Variants in FASTKD3 observed in about 807,000 individuals in gnomAD.
The protein encoded by FASTKD3 is FAST kinase domains 3.
Under a neutral mutation model 49.7 loss-of-function variants are expected in FASTKD3, and 47 were observed. The ratio of observed to expected loss-of-function variants is 0.95; its 90% CI spans 0.75 to 1.21. The LOEUF is 1.21. FASTKD3 is among the 50% of genes most tolerant of loss of function. The pLI is 0.00. For synonymous variants in FASTKD3, 284 were observed against 288.6 expected, an observed-to-expected ratio of 0.98 and a Z score of 0.16; for missense variants, 748 against 765.7, an observed-to-expected ratio of 0.98 and a Z score of 0.27.
intron 3 of FASTKD3, among the ~76,000 whole-genome samples, chr5:7,864,979 A>C (rs1746834914): frequency 6.6e-6 from 1 of 152,224 alleles, no homozygotes; most frequent in African/African-American, 2.4e-5. Context: ...CTCCAAGTGC[A>C]TCAATAGTAG....
Position 7,867,637 on chromosome 5 carries a change from C to T in FASTKD3, c.447G>A (p.Leu149=), listed in dbSNP as rs1747093209. The T allele has an allele frequency of 2.5e-6, 4 of 1,614,250 alleles. No homozygotes were observed. The highest frequency in any genetic ancestry group is 3.4e-6 in the Non-Finnish European group (4 of 1,180,044). Reference sequence around the variant, plus strand: ...TGCTATTCTCCAGTATTTCTTTTGGCAGCCCTTGATCACCATCCTTTTTTT... The same window carrying T: ...TGCTATTCTCCAGTATTTCTTTTGGTAGCCCTTGATCACCATCCTTTTTTT... ...EVEKKDGDQG[L]PKEILENSIF... Residue 149 remains leucine, a synonymous_variant, in exon 2 of 7, where the codon CTG becomes CTA. Transcript: ENST00000264669.
In FASTKD3 at chr5:7,868,013, G is replaced by T; in HGVS notation, c.71C>A (p.Ala24Asp). ...SDFQMHRALAALKNKPLNHVH... is the reference protein window; with the variant it reads ...SDFQMHRALADLKNKPLNHVH... ...ATGATTTAGAGGTTTATTTTTTAAA[G>T]CAGCCAGAGCTCTATGCATCTGAAA... The change falls in exon 2 of 7, where the codon GCT becomes GAT. Residue 24 changes from alanine (A) to aspartate (D), a missense_variant. This residue lies in a region of FASTKD3 where 564 missense variants were observed against 562.8 expected (regional missense o/e 1.00). Transcript: ENST00000264669. The T allele has an allele frequency of 6.2e-7, 1 of 1,613,982 alleles. No homozygotes were observed. The highest frequency in any genetic ancestry group is 1.1e-5 in the South Asian group (1 of 91,072).
Position 7,867,681 on chromosome 5 carries a change from G to T in FASTKD3, c.403C>A (p.Gln135Lys), listed in dbSNP as rs747401284. Reference sequence around the variant, plus strand: ...TTTTTTTCCACTTCACAAATTCGTTGTAAAGCTCCTGCTGCCATAGTGTCA... The same window carrying T: ...TTTTTTTCCACTTCACAAATTCGTTTTAAAGCTCCTGCTGCCATAGTGTCA... ...LPDTMAAGAL[Q>K]RICEVEKKDG... Residue 135 changes from glutamine (Q) to lysine (K), a missense_variant, in exon 2 of 7, where the codon CAA (glutamine) becomes AAA (lysine). Physicochemically the swap from Gln to Lys is moderately conservative, Grantham distance 53 (BLOSUM62 1). This residue lies in a region of FASTKD3 where 564 missense variants were observed against 562.8 expected (regional missense o/e 1.00). Transcript: ENST00000264669. 1 of 1,614,154 alleles carries T rather than the reference G, an allele frequency of 6.2e-7. No individual in the cohort carries two copies. Among genetic ancestry groups the T allele is most frequent in the Non-Finnish European group, 8.5e-7 (1 of 1,180,040 alleles).
At chr5:7,863,155 T>C in intron 3 of FASTKD3, 158 bp from the exon 4 acceptor site, 2 of 659,688 alleles carry the variant, frequency 3.0e-6, no homozygotes, top group Non-Finnish European at 5.2e-6. Context: ...AAAATGATAA[T>C]GCAAACTTCT....
Position 7,863,009 on chromosome 5 carries a change from T to G in FASTKD3, c.1525-12A>C. ...AGGAGTTTTGGACCCTAAAAAATCA[T>G]AAGTGCAAATGTGAGAAAGAAAAAT... On this transcript the variant is annotated splice_polypyrimidine_tract_variant and intron_variant, in intron 3 of 6. Coordinates refer to ENST00000264669, the MANE Select transcript of FASTKD3 (RefSeq NM_024091.4). 6.2e-7 allele frequency: 1 copy of G among 1,607,392 alleles called. No individual in the cohort carries two copies. The highest frequency in any genetic ancestry group is 1.1e-5 in the South Asian group (1 of 90,218).
In FASTKD3 at chr5:7,867,744, C is replaced by G; in HGVS notation, c.340G>C (p.Glu114Gln). Residue 114 changes from glutamate to glutamine, a missense_variant, in exon 2 of 7, where the codon GAA (glutamate) becomes CAA (glutamine). Glu to Gln is a conservative substitution (Grantham distance 29). Around this residue, in one of 3 missense-constraint regions of FASTKD3, gnomAD observed 564 missense variants for 562.8 expected, o/e 1.00. Coordinates refer to ENST00000264669, the MANE Select transcript of FASTKD3 (RefSeq NM_024091.4). ...ATCGTGCTTATAAAACTTAGCACTT[C>G]TTCTGATGAAGTCAAGTTGCTCAGT... ...RRLSNLTSSE[E>Q]VLSFISTMET... 1 of 1,614,176 alleles carries G rather than the reference C, an allele frequency of 6.2e-7. No individual in the cohort carries two copies. Among genetic ancestry groups the G allele is most frequent in the South Asian group, 1.1e-5 (1 of 91,082 alleles).
intron 2 of FASTKD3, 35 bp downstream of exon 2, chr5:7,866,610 CT>C (rs1746968929): frequency 1.3e-6 from 2 of 1,494,166 alleles, no homozygotes; most frequent in Non-Finnish European, 1.8e-6. Context: ...TCAAAGGTTA[CT>C]TTTTTCCAAC....
chr5:7,868,851 C>A, intron 1 of FASTKD3, 128 bp downstream of exon 1: 1 of 541,746 alleles, frequency 1.8e-6, no homozygotes, highest in South Asian at 2.0e-5. Flanking sequence ...GGGCGAGCAC[C>A]CCCAAACTCG....
chr5:7,864,354 T>C (rs911217440), intron 3 of FASTKD3, among the ~76,000 whole-genome samples: 2 of 152,096 alleles, frequency 1.3e-5, no homozygotes, highest in African/African-American at 4.8e-5. Flanking sequence ...TAAATAAAAT[T>C]TAAAAGATAT....
Position 7,859,359 on chromosome 5 carries a change from A to T in FASTKD3, c.*76T>A. 1 of 857,504 alleles carries T rather than the reference A, an allele frequency of 1.2e-6. No homozygotes were observed. The highest frequency in any genetic ancestry group is 1.8e-6 in the Non-Finnish European group (1 of 553,194). 53.1% of individuals were successfully genotyped at this position (857,504 alleles called of 1,614,324 possible). A position where few individuals can be genotyped will look rare whatever the true frequency, so the allele number is the denominator to read the frequency against. ...ACATATTCTGCAAAGTGGCTAATTC[A>T]CATTATATTTTTCTTTTAATACTGA... On this transcript the variant is annotated 3_prime_UTR_variant, in exon 7 of 7. Coordinates refer to ENST00000264669, the MANE Select transcript of FASTKD3 (RefSeq NM_024091.4).
rs1561097350 is a variant in FASTKD3 at position 7,862,996 on chromosome 5, C to T, written c.1526G>A (p.Gly509Asp). The change falls in exon 4 of 7, where the codon GGT (glycine) becomes GAT (aspartate). Residue 509 changes from glycine (G) to aspartate (D), a missense_variant and splice_region_variant. Gly to Asp is a moderately conservative substitution (Grantham distance 94, BLOSUM62 -1). Coordinates refer to ENST00000264669, the MANE Select transcript of FASTKD3 (RefSeq NM_024091.4). The part of the protein sequence containing the change: ...ASVLECPFYK[G>D]PKLLPKYQVK... ...TTGATATTTAGGAAGGAGTTTTGGA[C>T]CCTAAAAAATCATAAGTGCAAATGT... The T allele has an allele frequency of 6.2e-7, 1 of 1,611,536 alleles. No homozygotes were observed. The highest frequency in any genetic ancestry group is 8.5e-7 in the Non-Finnish European group (1 of 1,179,012).
At chr5:7,861,529 G>T in intron 5 of FASTKD3, 54 bp downstream of exon 5, 1 of 1,280,142 alleles carries the variant, frequency 7.8e-7, no homozygotes, top group Non-Finnish European at 1.0e-6. Flanking sequence ...AGATACCGCT[G>T]CTTATTAGCC....
rs1323247514 is a variant in FASTKD3, at chr5:7,861,591, G to A, written c.1761C>T (p.Ile587=). 1.9e-6 allele frequency: 3 copies of A among 1,588,808 alleles called. No individual in the cohort carries two copies. In the African/African-American group the frequency reaches 4.0e-5, roughly 21 times the overall value. The change falls in exon 5 of 7, where the codon ATC becomes ATT. Residue 587 remains isoleucine (I), a synonymous_variant. Coordinates refer to ENST00000264669, the MANE Select transcript of FASTKD3 (RefSeq NM_024091.4). ...FVLPSTANED[I]HKRIALCIDG... The stretch of plus-strand genomic sequence containing the variant: ...ACAACATTTTCCTGTACCTTTTATG[G>A]ATATCTTCATTAGCTGTGGATGGCA...
At chr5:7,866,375 A>G (rs1746950532) in intron 2 of FASTKD3, among the ~76,000 whole-genome samples, 1 of 151,898 alleles carries the variant, frequency 6.6e-6, no homozygotes, top group South Asian at 2.1e-4. Flanking sequence ...TAATGTGGCT[A>G]TTTCCACTGC....
Position 7,866,906 on chromosome 5 carries a change from G to C in FASTKD3, c.1178C>G (p.Ala393Gly). 1 of 1,614,154 alleles carries C rather than the reference G, an allele frequency of 6.2e-7. No homozygotes were observed. The highest frequency in any genetic ancestry group is 1.7e-5 in the Admixed American group (1 of 60,020). ...TTCTGTTTGGCAAACAAAAGTTTCT[G>C]CCACTGCATTGAGGATGGGTTTTGA... ...ILSKPILNAV[A>G]ETFVCQTEKF... Residue 393 changes from alanine to glycine, a missense_variant, in exon 2 of 7, where the codon GCA (alanine) becomes GGA (glycine). Around this residue, in one of 3 missense-constraint regions of FASTKD3, gnomAD observed 564 missense variants for 562.8 expected, o/e 1.00. Coordinates refer to ENST00000264669, the MANE Select transcript of FASTKD3 (RefSeq NM_024091.4).
At chr5:7,861,350 G>T (rs1746515705) in intron 5 of FASTKD3, 87 bp from the exon 6 acceptor site, 1 of 750,854 alleles carries the variant, frequency 1.3e-6, no homozygotes, top group East Asian at 2.9e-5. Context: ...AGTTTATTTG[G>T]GATTTGGCTA....
At chr5:7,866,551 A>C in intron 2 of FASTKD3, 95 bp downstream of exon 2, 1 of 930,846 alleles carries the variant, frequency 1.1e-6, no homozygotes, top group Non-Finnish European at 1.6e-6. Context: ...TGGAAGAAAA[A>C]CTAAAGGCAA....
intron 4 of FASTKD3, among the ~76,000 whole-genome samples, chr5:7,862,611 A>G (rs1746631601): frequency 6.6e-6 from 1 of 152,126 alleles, no homozygotes; most frequent in African/African-American, 2.4e-5. Context: ...TATTCTGCCC[A>G]GGATATTCTG....
rs1163086315 is a variant in FASTKD3 at position 7,866,672 on chromosome 5, T to G, written c.1412A>C (p.Lys471Thr). The change falls in exon 2 of 7, where the codon AAG becomes ACG. Residue 471 changes from lysine (K) to threonine (T), a missense_variant. By Grantham distance (78) the Lys-to-Thr change is moderately conservative (BLOSUM62 -1). Around this residue, in one of 3 missense-constraint regions of FASTKD3, gnomAD observed 564 missense variants for 562.8 expected, o/e 1.00. Coordinates refer to ENST00000264669, the MANE Select transcript of FASTKD3 (RefSeq NM_024091.4). Reference protein sequence around the residue: ...HPVNFLAKIFKPLFLQRLQGK... With the variant: ...HPVNFLAKIFTPLFLQRLQGK... ...TTGCAGCCGTTGAAGGAAAAGAGGC[T>G]TGAATATTTTTGCCAGAAAGTTGAC... 6.3e-7 allele frequency: 1 copy of G among 1,596,326 alleles called. No homozygotes were observed. Among genetic ancestry groups the G allele is most frequent in the Non-Finnish European group, 8.5e-7 (1 of 1,172,576 alleles).
Sources: gnomAD v4.1 joint callset for allele counts (sites outside exome capture counted in the v4.1 genomes callset) on GRCh38, gnomAD v4.1.1 for gene constraint, gnomAD v4.1.1 regional missense constraint, MANE v1.5 for transcripts, NCBI Gene and HGNC (gene_info 2026-07-23, HGNC 2026-07-21) for gene names.